KCNAB1: variants seen among roughly 807,000 people sequenced by gnomAD.
KCNAB1 encodes voltage-gated potassium channel subunit beta-1.
In KCNAB1, 35 loss-of-function variants were observed where a neutral mutation model predicts 64.6. That is an observed-to-expected ratio of 0.54 (90% confidence interval 0.41 to 0.72). The LOEUF is 0.72. KCNAB1 is among the 30% of genes least tolerant of loss of function. The pLI, the probability that KCNAB1 is intolerant of heterozygous loss-of-function variation, is 0.00. For missense variants in KCNAB1, 401 were observed against 512.9 expected (o/e 0.78, Z 2.11); for synonymous variants, 177 against 183.8 (o/e 0.96, Z 0.30).
At chr3:156,490,159 G>T in intron 8 of KCNAB1, among the ~76,000 whole-genome samples, 1 of 152,074 alleles carries the variant, frequency 6.6e-6, no homozygotes, top group South Asian at 2.1e-4. Flanking sequence ...CCCATGTCCA[G>T]GTCACCAGCA....
upstream of KCNAB1, among the ~76,000 whole-genome samples, chr3:156,119,064 G>A (rs1713206797): frequency 6.6e-6 from 1 of 152,162 alleles, no homozygotes; most frequent in Admixed American, 6.5e-5. Flanking sequence ...TCTAACCCTA[G>A]ACTATCCTGG....
intron 1 of KCNAB1, among the ~76,000 whole-genome samples, chr3:156,249,261 G>A (rs1576644334): frequency 6.6e-6 from 1 of 152,158 alleles, no homozygotes; most frequent in African/African-American, 2.4e-5. Flanking sequence ...CTATGGGAAG[G>A]GGGAACAAGA....
intron 1 of KCNAB1, among the ~76,000 whole-genome samples, chr3:156,360,658 T>C (rs918441915): frequency 4.0e-5 from 6 of 151,758 alleles, no homozygotes; most frequent in African/African-American, 1.2e-4. Flanking sequence ...AAGGCTGTAG[T>C]AAGCTACAGT....
intron 1 of KCNAB1, among the ~76,000 whole-genome samples, chr3:156,199,675 T>G (rs1159107804): frequency 1.3e-5 from 2 of 152,238 alleles, no homozygotes. Flanking sequence ...ATCAGGTCAT[T>G]TATGTTCTTT....
At chr3:156,207,433 G>A (rs1187249299) in intron 1 of KCNAB1, among the ~76,000 whole-genome samples, 4 of 152,068 alleles carry the variant, frequency 2.6e-5, no homozygotes, top group African/African-American at 9.7e-5. Context: ...CCTCTCTTTT[G>A]CAACTCACCC....
At chr3:156,200,385 C>T (rs1295791901) in intron 1 of KCNAB1, among the ~76,000 whole-genome samples, 1 of 152,210 alleles carries the variant, frequency 6.6e-6, no homozygotes, top group Non-Finnish European at 1.5e-5. Flanking sequence ...TCAGAACTGG[C>T]AGGCAAGAAG....
chr3:156,325,733 G>A (rs569208541), intron 1 of KCNAB1, among the ~76,000 whole-genome samples: 22 of 152,110 alleles, frequency 1.4e-4, no homozygotes, highest in African/African-American at 5.3e-4. Context: ...TGAGAGGATA[G>A]CTTGAGCCCA....
chr3:156,184,500 G>A (rs2108351465), intron 1 of KCNAB1, among the ~76,000 whole-genome samples: 1 of 152,318 alleles, frequency 6.6e-6, no homozygotes, highest in Middle Eastern at 3.4e-3. Flanking sequence ...GTGTTTGGAG[G>A]CTAAAAAGAA....
At chr3:156,283,221 A>G (rs1321345516) in intron 1 of KCNAB1, among the ~76,000 whole-genome samples, 8 of 149,104 alleles carry the variant, frequency 5.4e-5, no homozygotes, top group Non-Finnish European at 1.1e-4. Context: ...TCCTTCACTT[A>G]TGAAGCTTAG....
At chr3:156,524,125 A>G (rs1718134211) in intron 12 of KCNAB1, 178 bp downstream of exon 12, 1 of 580,448 alleles carries the variant, frequency 1.7e-6, no homozygotes, top group Non-Finnish European at 2.8e-6. Context: ...AATTTTCTAC[A>G]TGATAGCAAA....
intron 12 of KCNAB1, among the ~76,000 whole-genome samples, chr3:156,526,630 T>A (rs900281520): frequency 6.6e-6 from 1 of 152,220 alleles, no homozygotes; most frequent in Non-Finnish European, 1.5e-5. Flanking sequence ...TCTGGTTCCC[T>A]TACTAGGGGA....
chr3:156,397,296 T>G (rs147265562), intron 1 of KCNAB1, among the ~76,000 whole-genome samples: 96 of 152,110 alleles, frequency 6.3e-4, no homozygotes, highest in Non-Finnish European at 1.2e-3. Flanking sequence ...TTATTGGGAG[T>G]AAATGGGGTA....
intron 1 of KCNAB1, among the ~76,000 whole-genome samples, chr3:156,158,190 ATAAATAAATAAAT>A (rs1715865407): frequency 1.6e-5 from 2 of 126,646 alleles, no homozygotes; most frequent in Non-Finnish European, 3.5e-5. Flanking sequence ...AAATAAATAA[ATAAATAAATAAAT>A]AAATAAATAA....
chr3:156,407,140 G>A (rs1473342752), intron 1 of KCNAB1, among the ~76,000 whole-genome samples: 1 of 152,118 alleles, frequency 6.6e-6, no homozygotes, highest in Non-Finnish European at 1.5e-5. Context: ...TAGCAACCTG[G>A]CTCCTATCTC....
In KCNAB1 at chr3:156,397,673, G is replaced by T. The variant is rs115857967; in HGVS notation, c.276-23943G>T. On this transcript the variant is annotated intron_variant, in intron 1 of 13. Transcript: ENST00000490337. ...TTTACTTTGGTGTATTAAGAATCCT[G>T]CCCACACAAGAATTACAACCTCAGC... Among the ~76,000 whole-genome samples, 174 of 151,900 alleles carry T rather than the reference G, an allele frequency of 1.1e-3. 1 individual carries two copies. Among genetic ancestry groups the T allele is most frequent in the Admixed American group, 2.0e-3 (31 of 15,234 alleles).
chr3:156,296,462 C>G (rs1469877015), intron 1 of KCNAB1, among the ~76,000 whole-genome samples: 3 of 26,376 alleles, frequency 1.1e-4, no homozygotes, highest in Non-Finnish European at 2.1e-4. Context: ...AACTTCAACT[C>G]CCCCCCCCCC....
At chr3:156,384,829 G>A (rs947421029) in intron 1 of KCNAB1, among the ~76,000 whole-genome samples, 20 of 152,164 alleles carry the variant, frequency 1.3e-4, no homozygotes, top group African/African-American at 4.8e-4. Flanking sequence ...TCCTCAGAGA[G>A]GTTTTGTTCT....
intron 2 of KCNAB1, among the ~76,000 whole-genome samples, chr3:156,424,535 A>G (rs1715690938): frequency 6.6e-6 from 1 of 152,200 alleles, no homozygotes; most frequent in East Asian, 1.9e-4. Flanking sequence ...TACAGTAAAT[A>G]ACTATTCGGT....
intron 1 of KCNAB1, among the ~76,000 whole-genome samples, chr3:156,198,616 CTTTTTT>C (rs59410120): frequency 5.1e-5 from 6 of 118,524 alleles, no homozygotes; most frequent in African/African-American, 6.6e-5. Context: ...GCAAACCCTG[CTTTTTT>C]TTTTTTTTTT....
Sources: gnomAD v4.1 joint callset for allele counts (sites outside exome capture counted in the v4.1 genomes callset) on GRCh38, gnomAD v4.1.1 for gene constraint, MANE v1.5 for transcripts, NCBI Gene and HGNC (gene_info 2026-07-23, HGNC 2026-07-21) for gene names.